The following OSBP2 variants were observed in gnomAD, a reference collection of about 807,000 sequenced individuals.
OSBP2 encodes oxysterol binding protein 2.
A neutral mutation model predicts 96.0 loss-of-function variants in OSBP2; 66 were observed. That is an observed-to-expected ratio of 0.69 (90% CI 0.56 to 0.84). The LOEUF is 0.84. Among genes scored for constraint, OSBP2 ranks in the 40% least tolerant of loss-of-function variants. The pLI, the probability that OSBP2 is intolerant of heterozygous loss-of-function variation, is 0.00. For missense variants in OSBP2, 1,038 were observed against 1,222.7 expected, an observed-to-expected ratio of 0.85 and a Z score of 2.25; for synonymous variants, 525 against 520.9, an observed-to-expected ratio of 1.01 and a Z score of -0.11.
At chr22:30,902,702 A>G (rs867274627) in intron 12 of OSBP2, 1 of 514,754 alleles carries the variant, frequency 1.9e-6, no homozygotes, top group Non-Finnish European at 3.7e-6. Context: ...ACGCCCCTCA[A>G]TGAAGTAGCC....
At chr22:30,763,216 C>T (rs187222537) in intron 2 of OSBP2, among the ~76,000 whole-genome samples, 106 of 152,304 alleles carry the variant, frequency 7.0e-4, no homozygotes, top group Middle Eastern at 3.4e-3. Context: ...TAGTCACTTT[C>T]GCAGCTTTAA....
chr22:30,835,446 T>C (rs2038611297), intron 2 of OSBP2, among the ~76,000 whole-genome samples: 1 of 152,190 alleles, frequency 6.6e-6, no homozygotes, highest in Non-Finnish European at 1.5e-5. Context: ...ACCATAAATG[T>C]AAGGGTTAAT....
chr22:30,752,466 T>C (rs2090089882), intron 2 of OSBP2, among the ~76,000 whole-genome samples: 1 of 151,778 alleles, frequency 6.6e-6, no homozygotes, highest in Non-Finnish European at 1.5e-5. Context: ...GCCCAGCTAA[T>C]TTTTTGTATT....
chr22:30,702,240 C>T (rs1314846422), intron 1 of OSBP2, among the ~76,000 whole-genome samples: 1 of 152,210 alleles, frequency 6.6e-6, no homozygotes, highest in Non-Finnish European at 1.5e-5. Flanking sequence ...CTGTCCTGGA[C>T]AGTGCATCCC....
At chr22:30,888,411 T>C (rs1569167254) in intron 5 of OSBP2, 71 bp downstream of exon 5, 4 of 923,818 alleles carry the variant, frequency 4.3e-6, no homozygotes, top group Non-Finnish European at 7.1e-6. Context: ...TTTCACCAGC[T>C]ATCTAGTTGT....
rs112840979 is a variant in OSBP2, at chr22:30,881,516, C to T, written c.1108-5910C>T. ...CACAGCTGAGCACGAGTCTCCTGGC[C>T]CCAGGTAGAGTTGTCACACAGCCTC... On this transcript the variant is annotated intron_variant, in intron 3 of 13. Coordinates refer to ENST00000332585, the MANE Select transcript of OSBP2 (RefSeq NM_030758.4). This position sits in a 1 kb window ranked among gnomAD's most constrained non-coding sequence, Gnocchi z 4.5. Among the ~76,000 whole-genome samples, 1 of 152,186 alleles carries T rather than the reference C, an allele frequency of 6.6e-6. No individual in the cohort carries two copies. The highest frequency in any genetic ancestry group is 2.4e-5 in the African/African-American group (1 of 41,454).
chr22:30,862,308 C>T (rs1602375285), intron 2 of OSBP2, among the ~76,000 whole-genome samples: 1 of 152,216 alleles, frequency 6.6e-6, no homozygotes, highest in Non-Finnish European at 1.5e-5. Flanking sequence ...CCTGGTCCCA[C>T]AGCCCCTGGC....
intron 12 of OSBP2, among the ~76,000 whole-genome samples, chr22:30,902,046 T>G (rs1019042629): frequency 1.4e-5 from 2 of 147,338 alleles, no homozygotes; most frequent in African/African-American, 5.0e-5. Flanking sequence ...TGAAGGAATA[T>G]ATACAGTAGC....
At chr22:30,851,980 G>C (rs1051135427) in intron 2 of OSBP2, among the ~76,000 whole-genome samples, 1 of 152,122 alleles carries the variant, frequency 6.6e-6, no homozygotes, top group Non-Finnish European at 1.5e-5. Flanking sequence ...ATTAATATGA[G>C]TTGTATTTCA....
At chr22:30,718,196 A>T (rs1397870890) in intron 1 of OSBP2, among the ~76,000 whole-genome samples, 2 of 152,198 alleles carry the variant, frequency 1.3e-5, no homozygotes, top group Non-Finnish European at 2.9e-5. Flanking sequence ...CAATATCAGT[A>T]GGGTGGGAAG....
At chr22:30,754,990 A>G (rs947993931) in intron 2 of OSBP2, among the ~76,000 whole-genome samples, 30 of 152,052 alleles carry the variant, frequency 2.0e-4, no homozygotes, top group Admixed American at 1.4e-3. Context: ...TTCTTCCTGT[A>G]TACCCACTCT....
chr22:30,701,248 C>G (rs373267350), intron 1 of OSBP2, among the ~76,000 whole-genome samples: 4 of 152,052 alleles, frequency 2.6e-5, no homozygotes, highest in East Asian at 1.9e-4. Context: ...CCCATGAACT[C>G]AGTTCTCAAA....
intron 2 of OSBP2, among the ~76,000 whole-genome samples, chr22:30,835,250 T>A (rs2038608170): frequency 6.6e-6 from 1 of 152,220 alleles, no homozygotes; most frequent in Non-Finnish European, 1.5e-5. Context: ...TTTACTTCTG[T>A]GTTTTCTTCT....
upstream of OSBP2, chr22:30,694,004 G>C (rs1032242816): frequency 5.5e-6 from 8 of 1,455,710 alleles, no homozygotes; most frequent in Non-Finnish European, 7.4e-6. Context: ...AAAATTCGCT[G>C]ATGTTTTAAC....
intron 1 of OSBP2, among the ~76,000 whole-genome samples, chr22:30,702,829 ATCT>A (rs1288506459): frequency 6.6e-6 from 1 of 152,196 alleles, no homozygotes; most frequent in Non-Finnish European, 1.5e-5. Flanking sequence ...CAAGTTTGGC[ATCT>A]TCTTTGTATT....
At chr22:30,846,800 C>T (rs1291467596) in intron 2 of OSBP2, among the ~76,000 whole-genome samples, 3 of 152,216 alleles carry the variant, frequency 2.0e-5, no homozygotes, top group African/African-American at 7.2e-5. Context: ...AGAAACCTCA[C>T]TTAATATGTG....
At chr22:30,740,071 C>T (rs2089917643) in intron 1 of OSBP2, among the ~76,000 whole-genome samples, 1 of 152,156 alleles carries the variant, frequency 6.6e-6, no homozygotes, top group Non-Finnish European at 1.5e-5. Context: ...TCTTGAACTC[C>T]TGACCTCGGG....
intron 2 of OSBP2, among the ~76,000 whole-genome samples, chr22:30,751,754 C>A (rs766398705): frequency 6.6e-6 from 1 of 152,152 alleles, no homozygotes; most frequent in Non-Finnish European, 1.5e-5. Context: ...CAGAATCACC[C>A]GCAGGAGATT....
Position 30,906,281 on chromosome 22 carries a change from G to A in OSBP2, c.2693G>A (p.Gly898Asp). The A allele has an allele frequency of 6.2e-7, 1 of 1,614,034 alleles. No homozygotes were observed. Among genetic ancestry groups the A allele is most frequent in the Non-Finnish European group, 8.5e-7 (1 of 1,179,928 alleles). Residue 898 changes from glycine to aspartate, a missense_variant, in exon 14 of 14, where the codon GGC becomes GAC. Coordinates refer to ENST00000332585, the MANE Select transcript of OSBP2 (RefSeq NM_030758.4). The stretch of plus-strand genomic sequence containing the variant: ...GGGGAGATGGCCTGTGTGTACAAGG[G>A]CGGCTACTGGGAGGCCAAGGAGAAG... ...LTGEMACVYKGGYWEAKEKQD... is the reference protein window; with the variant it reads ...LTGEMACVYKDGYWEAKEKQD...
Sources: allele counts gnomAD v4.1 joint callset (sites outside exome capture counted in the v4.1 genomes callset), GRCh38; gene constraint gnomAD v4.1.1; non-coding constraint Gnocchi (gnomAD v3.1); transcripts MANE v1.5; gene names NCBI Gene and HGNC (gene_info 2026-07-23, HGNC 2026-07-21).